DHX33: variants seen among roughly 807,000 people sequenced by gnomAD.
DHX33 encodes ATP-dependent RNA helicase DHX33.
Under a neutral mutation model 72.5 loss-of-function variants are expected in DHX33, and 42 were observed. The ratio of observed to expected loss-of-function variants is 0.58; its 90% CI spans 0.45 to 0.75. The LOEUF (loss-of-function observed/expected upper bound fraction) is 0.75, where lower values mean the gene tolerates loss of function less well. DHX33 is among the 30% of genes least tolerant of loss of function. DHX33 has a pLI of 0.00. For missense variants in DHX33, 842 were observed against 917.5 expected (o/e 0.92, Z 1.06); for synonymous variants, 358 against 366.1 (o/e 0.98, Z 0.25).
chr17:5,444,272 T>C lies in DHX33; in HGVS notation c.2057A>G (p.Asp686Gly). Reference protein sequence around the residue: ...KCYMRDLCVIDAQWLYEAAPE... With the variant: ...KCYMRDLCVIGAQWLYEAAPE... ...GGCAGCCTCGTACAGCCACTGTGCA[T>C]CTATGACGCAGAGGTCCCGCATGTA... The change falls in exon 12 of 12, where the codon GAT (aspartate) becomes GGT (glycine). Residue 686 changes from aspartate (D) to glycine (G), a missense_variant. Transcript: ENST00000225296. The surrounding 1 kb of genome is among the most constrained non-coding windows in gnomAD (Gnocchi z 4.9). The C allele has an allele frequency of 6.2e-7, 1 of 1,614,188 alleles. No individual in the cohort carries two copies. Among genetic ancestry groups the C allele is most frequent in the Non-Finnish European group, 8.5e-7 (1 of 1,180,028 alleles).
chr17:5,450,307 G>C lies in DHX33; in HGVS notation c.1624C>G (p.Arg542Gly). ...DSVLHNPPSR[R>G]EEVQGVRKKF... Reference sequence around the variant, plus strand: ...TTGCGGACCCCTTGCACTTCCTCTCGCCGGGAAGGAGGGTTGTGGAGGACG... The same window carrying C: ...TTGCGGACCCCTTGCACTTCCTCTCCCCGGGAAGGAGGGTTGTGGAGGACG... Residue 542 changes from arginine (R) to glycine (G), a missense_variant, in exon 10 of 12, where the codon CGA becomes GGA. Transcript: ENST00000225296. 1 of 1,614,140 alleles carries C rather than the reference G, an allele frequency of 6.2e-7. No individual in the cohort carries two copies. Among genetic ancestry groups the C allele is most frequent in the East Asian group, 2.2e-5 (1 of 44,876 alleles).
chr17:5,443,562 G>C lies in DHX33; in HGVS notation c.*643C>G, dbSNP rs753717925. The C allele has an allele frequency of 6.6e-6, 1 of 152,362 alleles. No individual in the cohort carries two copies. 9.4% of individuals were successfully genotyped at this position (152,362 alleles called of 1,614,324 possible). On this transcript the variant is annotated 3_prime_UTR_variant, in exon 12 of 12. Coordinates refer to ENST00000225296, the MANE Select transcript of DHX33 (RefSeq NM_020162.4). ...GAGTGGTCCACCCTGAGACACAAGC[G>C]TTCAGTAGGGATCGCCATCCCAGGA...
rs765872638 is a variant in DHX33, at chr17:5,453,853, C to A, written c.1275G>T (p.Lys425Asn). 10 of 1,613,976 alleles carry A rather than the reference C, an allele frequency of 6.2e-6. No homozygotes were observed. Among genetic ancestry groups the A allele is most frequent in the Non-Finnish European group, 5.9e-6 (7 of 1,180,008 alleles). Residue 425 changes from lysine (K) to asparagine (N), a missense_variant, in exon 7 of 12, where the codon AAG becomes AAT. Physicochemically the swap from Lys to Asn is moderately conservative, Grantham distance 94. Transcript: ENST00000225296. ...TCTCTGGCACGGTCATCTTATCAAA[C>A]TTCTCAAACTCGTCCTCCGTGTAGA... ...YRLYTEDEFE[K>N]FDKMTVPEIQ...
intron 8 of DHX33, 129 bp from the exon 9 acceptor site, chr17:5,451,063 C>G (rs1287274812): frequency 9.9e-7 from 1 of 1,007,898 alleles, no homozygotes; most frequent in South Asian, 1.6e-5. Flanking sequence ...GCCACTGCCC[C>G]CTTGACACAC....
At chr17:5,457,697 G>A (rs1020962922) in intron 4 of DHX33, among the ~76,000 whole-genome samples, 16 of 151,166 alleles carry the variant, frequency 1.1e-4, no homozygotes, top group African/African-American at 1.2e-4. Flanking sequence ...GTAAAAATAC[G>A]TATTTTTTAA....
intron 8 of DHX33, among the ~76,000 whole-genome samples, chr17:5,452,121 G>T (rs990695933): frequency 3.3e-5 from 5 of 152,234 alleles, no homozygotes; most frequent in East Asian, 1.9e-4. Flanking sequence ...GGGTACACAG[G>T]TGTTAGATTT....
At chr17:5,465,790 G>T (rs1904855462) in intron 1 of DHX33, among the ~76,000 whole-genome samples, 1 of 152,102 alleles carries the variant, frequency 6.6e-6, no homozygotes, top group Non-Finnish European at 1.5e-5. Context: ...TCCTCCCCAA[G>T]GGCCCACTTG....
rs929922297 is a variant in DHX33, at chr17:5,442,940, A to G, written c.*1265T>C. Reference sequence around the variant, plus strand: ...TGGATATCCTCCAATTCCCTCTGACAATGAGGGTTAGAGAGAGGTGCCTAG... The same window carrying G: ...TGGATATCCTCCAATTCCCTCTGACGATGAGGGTTAGAGAGAGGTGCCTAG... On this transcript the variant is annotated 3_prime_UTR_variant, in exon 12 of 12. Coordinates refer to ENST00000225296, the MANE Select transcript of DHX33 (RefSeq NM_020162.4). The G allele has an allele frequency of 6.6e-6, 1 of 152,188 alleles. No homozygotes were observed. Among genetic ancestry groups the G allele is most frequent in the Non-Finnish European group, 1.5e-5 (1 of 68,034 alleles). 9.4% of individuals were successfully genotyped at this position (152,188 alleles called of 1,614,324 possible).
In DHX33 at chr17:5,453,864, C is replaced by T. The variant is rs147564348; in HGVS notation, c.1264G>A (p.Glu422Lys). 19 of 1,614,128 alleles carry T rather than the reference C, an allele frequency of 1.2e-5. No individual in the cohort carries two copies. Among genetic ancestry groups the T allele is most frequent in the South Asian group, 3.3e-5 (3 of 91,078 alleles). ...GICYRLYTED[E>K]FEKFDKMTVP... ...GTCATCTTATCAAACTTCTCAAACTCGTCCTCCGTGTAGAGCCGGTAGCAG... is the reference window on the plus strand; with the variant it reads ...GTCATCTTATCAAACTTCTCAAACTTGTCCTCCGTGTAGAGCCGGTAGCAG... Residue 422 changes from glutamate to lysine, a missense_variant, in exon 7 of 12, where the codon GAG becomes AAG. Transcript: ENST00000225296.
At chr17:5,446,620 T>C (rs1401650488) in intron 11 of DHX33, among the ~76,000 whole-genome samples, 7 of 152,184 alleles carry the variant, frequency 4.6e-5, no homozygotes, top group East Asian at 1.9e-4. Context: ...TCATGAATGA[T>C]AGTGATTATT....
rs371430813 is a variant in DHX33 at position 5,450,172 on chromosome 17, C to T, written c.1728+31G>A. The T allele has an allele frequency of 4.2e-5, 68 of 1,611,792 alleles. No individual in the cohort carries two copies. The African/African-American group carries it at 6.1e-4, about 15-fold the overall frequency. On this transcript the variant is annotated intron_variant, in intron 10 of 11. Transcript: ENST00000225296. ...GCACATAGCAGAGACAAGCAGCTAT[C>T]GCTGGAGAACAGGTGCAAGACAAGG...
At chr17:5,446,761 C>A (rs924728402) in intron 11 of DHX33, among the ~76,000 whole-genome samples, 1 of 152,192 alleles carries the variant, frequency 6.6e-6, no homozygotes, top group Non-Finnish European at 1.5e-5. Flanking sequence ...TGAGAGGTAT[C>A]CCTGGCCACT....
At chr17:5,460,661 C>T (rs1490564612) in intron 4 of DHX33, among the ~76,000 whole-genome samples, 1 of 152,112 alleles carries the variant, frequency 6.6e-6, no homozygotes, top group Non-Finnish European at 1.5e-5. Context: ...CACCCGCCAT[C>T]ATGCCTGGCT....
At position 5,456,261 on chromosome 17, in the gene DHX33, A is replaced by G. The variant is rs1391416619; in HGVS notation, c.850-79T>C. Reference sequence around the variant, plus strand: ...CAGAAAAAGACAATGGTGATTGATGATGTTTCCCAGAGTTATTTCTCTTAA... The same window carrying G: ...CAGAAAAAGACAATGGTGATTGATGGTGTTTCCCAGAGTTATTTCTCTTAA... On this transcript the variant is annotated intron_variant, in intron 4 of 11. Transcript: ENST00000225296. The G allele has an allele frequency of 2.4e-5, 34 of 1,434,234 alleles. 1 individual carries two copies. Among genetic ancestry groups the G allele is most frequent in the Non-Finnish European group, 3.2e-5 (33 of 1,033,560 alleles). The allele number at this position is 1,434,234 out of a possible 1,614,324, so 88.8% of individuals were successfully genotyped here.
chr17:5,460,602 A>G (rs1904549085), intron 4 of DHX33, among the ~76,000 whole-genome samples: 1 of 149,564 alleles, frequency 6.7e-6, no homozygotes, highest in Admixed American at 6.7e-5. Flanking sequence ...CACCTCCCGG[A>G]TTCAGGCGAT....
Position 5,460,687 on chromosome 17 carries a change from A to T in DHX33, c.849+252T>A, listed in dbSNP as rs539539910. ...ATGCCTGGCTAATTTTTGTATTTTT[A>T]GTAGAGATGGGGTTTCACCATGTTG... On this transcript the variant is annotated intron_variant, in intron 4 of 11. Transcript: ENST00000225296. 4.6e-5 allele frequency among the ~76,000 whole-genome samples: 7 copies of T among 151,934 alleles called. No individual in the cohort carries two copies. The East Asian group carries it at 1.4e-3, about 30-fold the overall frequency.
At chr17:5,445,358 C>T (rs1567596102) in intron 11 of DHX33, among the ~76,000 whole-genome samples, 3 of 152,206 alleles carry the variant, frequency 2.0e-5, no homozygotes, top group Non-Finnish European at 4.4e-5. Context: ...GGATTACAGG[C>T]GTGAGCCACC....
At chr17:5,452,867 C>G (rs558725303) in intron 8 of DHX33, among the ~76,000 whole-genome samples, 75 of 152,308 alleles carry the variant, frequency 4.9e-4, no homozygotes, top group Admixed American at 9.8e-4. Flanking sequence ...GGGCAGGACC[C>G]TTGTATACCC....
chr17:5,455,913 G>T, intron 5 of DHX33, 84 bp downstream of exon 5: 1 of 1,428,330 alleles, frequency 7.0e-7, no homozygotes, highest in Non-Finnish European at 9.5e-7. Flanking sequence ...ACCTTATCTG[G>T]AGCCTGGTAA....
Sources: allele counts gnomAD v4.1 joint callset (sites outside exome capture counted in the v4.1 genomes callset), GRCh38; gene constraint gnomAD v4.1.1; non-coding constraint Gnocchi (gnomAD v3.1); transcripts MANE v1.5; gene names NCBI Gene and HGNC (gene_info 2026-07-23, HGNC 2026-07-21).